The following POLGARF variants were observed in gnomAD, a reference collection of about 807,000 sequenced individuals.
POLGARF encodes POLG alternative reading frame.
At chr15:89,331,206 G>T in the POLGARF span, among the ~76,000 whole-genome samples, 4 of 152,030 alleles carry the variant, frequency 2.6e-5, no homozygotes, top group African/African-American at 9.7e-5. Flanking sequence ...CTTTCAAAGA[G>T]AAAGCAAAAA....
chr15:89,333,139 C>T, the POLGARF span: 1 of 1,531,268 alleles, frequency 6.5e-7, no homozygotes, highest in South Asian at 1.3e-5. Flanking sequence ...GGGCAAGTTC[C>T]CTCTGCCAAG....
chr15:89,333,691 G>T, the POLGARF span: 1 of 1,543,584 alleles, frequency 6.5e-7, no homozygotes, highest in African/African-American at 1.4e-5. Flanking sequence ...CAGCGCCCCG[G>T]AGCTGGAACC....
At chr15:89,333,034 G>A in the POLGARF span, 2 of 1,491,678 alleles carry the variant, frequency 1.3e-6, no homozygotes, top group South Asian at 2.9e-5. Context: ...AATGTTCACT[G>A]AAACAAACTA....
the POLGARF span, among the ~76,000 whole-genome samples, chr15:89,331,402 T>C: frequency 2.0e-5 from 3 of 152,122 alleles, no homozygotes; most frequent in African/African-American, 7.2e-5. Flanking sequence ...ACAGGAACTT[T>C]GGTTACAGTA....
the POLGARF span, among the ~76,000 whole-genome samples, chr15:89,332,783 T>C: frequency 6.6e-6 from 1 of 152,204 alleles, no homozygotes; most frequent in African/African-American, 2.4e-5. Flanking sequence ...ATGACGCTAT[T>C]AGGAGAGGGG....
chr15:89,333,706 C>G, the POLGARF span: 1 of 1,539,078 alleles, frequency 6.5e-7, no homozygotes, highest in Non-Finnish European at 8.7e-7. Flanking sequence ...GGAACCGGCC[C>G]TGGCCCGACG....
the POLGARF span, among the ~76,000 whole-genome samples, chr15:89,330,777 G>C: frequency 6.6e-6 from 1 of 151,098 alleles, no homozygotes; most frequent in Non-Finnish European, 1.5e-5. Flanking sequence ...TGTACAGGAT[G>C]AATCATCTCA....
At chr15:89,333,596 TTGC>T in the POLGARF span, 17,193 of 1,579,960 alleles carry the variant, frequency 0.011, 92 homozygotes, top group Non-Finnish European at 0.011. Context: ...GAGGCTGCTG[TTGC>T]TGCTGCTGCT....
chr15:89,331,241 A>T, the POLGARF span, among the ~76,000 whole-genome samples: 1 of 152,356 alleles, frequency 6.6e-6, no homozygotes, highest in East Asian at 1.9e-4. Context: ...TAAACCTGAC[A>T]AAATCGAACT....
At chr15:89,331,304 C>A in the POLGARF span, among the ~76,000 whole-genome samples, 1 of 151,978 alleles carries the variant, frequency 6.6e-6, no homozygotes, top group Non-Finnish European at 1.5e-5. Flanking sequence ...TCCCCACCCC[C>A]CCACATTTTA....
the POLGARF span, chr15:89,330,217 G>A: frequency 6.1e-5 from 99 of 1,613,238 alleles, no homozygotes; most frequent in African/African-American, 1.1e-4. Context: ...GTCAGCCGGC[G>A]ACAGCTGGCT....
chr15:89,331,285 T>C, the POLGARF span, among the ~76,000 whole-genome samples: 1 of 152,218 alleles, frequency 6.6e-6, no homozygotes, highest in Non-Finnish European at 1.5e-5. Context: ...GCCAAGGGAC[T>C]GAAAGAAATC....
At chr15:89,331,891 G>A in the POLGARF span, among the ~76,000 whole-genome samples, 6 of 152,072 alleles carry the variant, frequency 3.9e-5, no homozygotes, top group African/African-American at 1.5e-4. Context: ...GGCAAGAATG[G>A]AATGAGAATG....
the POLGARF span, chr15:89,333,338 G>T: frequency 6.4e-7 from 1 of 1,563,410 alleles, no homozygotes; most frequent in Non-Finnish European, 8.7e-7. Flanking sequence ...CCAGGAGGCG[G>T]AAGTGCTGGT....
chr15:89,331,504 G>T, the POLGARF span, among the ~76,000 whole-genome samples: 10 of 152,210 alleles, frequency 6.6e-5, no homozygotes, highest in Non-Finnish European at 1.0e-4. Flanking sequence ...CCAAATTTAA[G>T]ATGAGTAGGG....
the POLGARF span, chr15:89,333,552 T>G: frequency 6.2e-7 from 1 of 1,612,178 alleles, no homozygotes; most frequent in Non-Finnish European, 8.5e-7. Context: ...GTGCCGCAGC[T>G]GCCCGCCCTC....
At chr15:89,333,408 G>C in the POLGARF span, 2 of 1,604,380 alleles carry the variant, frequency 1.2e-6, no homozygotes, top group African/African-American at 2.7e-5. Context: ...GGGCACGGCT[G>C]GCTGCCCCCA....
chr15:89,333,353 G>C, the POLGARF span: 158 of 1,570,674 alleles, frequency 1.0e-4, no homozygotes, highest in Non-Finnish European at 1.3e-4. Flanking sequence ...GCTGGTCCAG[G>C]TTGTCCCCGT....
chr15:89,331,337 A>C, the POLGARF span, among the ~76,000 whole-genome samples: 7 of 152,146 alleles, frequency 4.6e-5, no homozygotes, highest in South Asian at 1.0e-3. Context: ...AAAGCCCTTA[A>C]AACAACGCAG....
Sources: allele counts gnomAD v4.1 joint callset (sites outside exome capture counted in the v4.1 genomes callset), GRCh38; gene constraint gnomAD v4.1.1; transcripts MANE v1.5; gene names NCBI Gene and HGNC (gene_info 2026-07-23, HGNC 2026-07-21).